Variants in CCDC146 observed in about 807,000 individuals in gnomAD.
The protein encoded by CCDC146 is coiled-coil domain containing 146.
A neutral mutation model predicts 119.3 loss-of-function variants in CCDC146; 92 were observed. That is an observed-to-expected ratio of 0.77 (90% CI 0.65 to 0.92). The LOEUF is 0.92. Among genes scored for constraint, CCDC146 ranks in the 40% least tolerant of loss-of-function variants. The pLI is 0.00. For missense variants in CCDC146, 1,000 were observed against 1,103.0 expected, an observed-to-expected ratio of 0.91 and a Z score of 1.32; for synonymous variants, 372 against 371.8, an observed-to-expected ratio of 1.00 and a Z score of -0.01.
At chr7:77,156,104 T>C (rs1791175795) in intron 1 of CCDC146, among the ~76,000 whole-genome samples, 1 of 152,198 alleles carries the variant, frequency 6.6e-6, no homozygotes, top group Non-Finnish European at 1.5e-5. Context: ...GATTCTGTAA[T>C]AGAGACTTGG....
At chr7:77,236,666 G>C (rs1792742583) in intron 2 of CCDC146, among the ~76,000 whole-genome samples, 1 of 151,956 alleles carries the variant, frequency 6.6e-6, no homozygotes, top group South Asian at 2.1e-4. Flanking sequence ...ATTTTTTTTA[G>C]AGTTAGAAGA....
chr7:77,220,257 C>T (rs997099865), intron 2 of CCDC146, among the ~76,000 whole-genome samples: 3 of 152,178 alleles, frequency 2.0e-5, no homozygotes, highest in South Asian at 2.1e-4. Context: ...TTCTCCTATT[C>T]GCTTTTGCAA....
intron 4 of CCDC146, among the ~76,000 whole-genome samples, chr7:77,248,402 A>C (rs1190879823): frequency 6.6e-6 from 1 of 152,200 alleles, no homozygotes. Flanking sequence ...ACAAAACTGC[A>C]CTTGTATCCC....
At chr7:77,188,063 T>C (rs974558511) in intron 2 of CCDC146, among the ~76,000 whole-genome samples, 1 of 152,238 alleles carries the variant, frequency 6.6e-6, no homozygotes, top group Non-Finnish European at 1.5e-5. Context: ...TGTACCTCGC[T>C]TCCGATTCCT....
At chr7:77,232,313 G>A (rs1005104029) in intron 2 of CCDC146, among the ~76,000 whole-genome samples, 7 of 152,134 alleles carry the variant, frequency 4.6e-5, no homozygotes, top group Non-Finnish European at 1.0e-4. Flanking sequence ...TGACTTGGAA[G>A]TACCCTGTCT....
intron 2 of CCDC146, among the ~76,000 whole-genome samples, chr7:77,193,146 C>A (rs566214781): frequency 6.6e-6 from 1 of 152,086 alleles, no homozygotes; most frequent in East Asian, 1.9e-4. Flanking sequence ...ACACTAATAA[C>A]GGAAAAAGAG....
chr7:77,193,421 G>A (rs1791807159), intron 2 of CCDC146: 1 of 152,092 alleles, frequency 6.6e-6, no homozygotes, highest in Admixed American at 6.5e-5. Flanking sequence ...GAATAGATGT[G>A]ATAATTAAAT....
At chr7:77,124,460 A>G (rs1247255265) in intron 1 of CCDC146, among the ~76,000 whole-genome samples, 1 of 152,166 alleles carries the variant, frequency 6.6e-6, no homozygotes, top group Non-Finnish European at 1.5e-5. Flanking sequence ...TATCCTCACT[A>G]ATTAGGAGGG....
At chr7:77,146,720 G>A (rs188419999) in intron 1 of CCDC146, among the ~76,000 whole-genome samples, 2 of 152,278 alleles carry the variant, frequency 1.3e-5, no homozygotes, top group Admixed American at 1.3e-4. Flanking sequence ...TTTTCTTTAA[G>A]AATGTTGAAT....
intron 17 of CCDC146, 130 bp downstream of exon 17, chr7:77,287,707 A>G: frequency 1.1e-6 from 1 of 935,122 alleles, no homozygotes; most frequent in Non-Finnish European, 1.5e-6. Context: ...AACTTAGAAA[A>G]ACGAAAGGAT....
intron 2 of CCDC146, among the ~76,000 whole-genome samples, chr7:77,189,562 T>C (rs1307644211): frequency 6.6e-6 from 1 of 152,166 alleles, no homozygotes; most frequent in African/African-American, 2.4e-5. Flanking sequence ...ACGGCTCTTA[T>C]CTACTCAGTG....
intron 2 of CCDC146, among the ~76,000 whole-genome samples, chr7:77,211,142 A>G (rs1792174818): frequency 6.6e-6 from 1 of 152,212 alleles, no homozygotes; most frequent in Non-Finnish European, 1.5e-5. Flanking sequence ...GTCAAAAAAT[A>G]AAACATTAGC....
intron 1 of CCDC146, among the ~76,000 whole-genome samples, chr7:77,152,481 G>C (rs1437151403): frequency 1.3e-5 from 2 of 152,176 alleles, no homozygotes; most frequent in Non-Finnish European, 2.9e-5. Flanking sequence ...ATGGGAGAGG[G>C]AACTTTGCCT....
At chr7:77,253,851 GAGCATACC>G (rs2150505541) in intron 4 of CCDC146, among the ~76,000 whole-genome samples, 1 of 152,348 alleles carries the variant, frequency 6.6e-6, no homozygotes, top group South Asian at 2.1e-4. Flanking sequence ...TCTGTGGCGA[GAGCATACC>G]AGCTGGAGGG....
chr7:77,268,457 G>T (rs2150525888), intron 9 of CCDC146, among the ~76,000 whole-genome samples: 1 of 152,290 alleles, frequency 6.6e-6, no homozygotes, highest in Non-Finnish European at 1.5e-5. Flanking sequence ...CTTCTGACTT[G>T]TTCCAAAGTA....
intron 1 of CCDC146, among the ~76,000 whole-genome samples, chr7:77,153,178 CAG>C (rs1311391330): frequency 1.3e-5 from 2 of 152,174 alleles, no homozygotes; most frequent in African/African-American, 4.8e-5. Flanking sequence ...ACCTGGCTAA[CAG>C]AAATCAGTGG....
At chr7:77,155,966 G>T in intron 1 of CCDC146, among the ~76,000 whole-genome samples, 1 of 152,120 alleles carries the variant, frequency 6.6e-6, no homozygotes, top group Admixed American at 6.6e-5. Flanking sequence ...TAAAGAGAGA[G>T]TGAGGATCTT....
chr7:77,286,975 G>A, intron 16 of CCDC146, 49 bp downstream of exon 16: 1 of 1,598,112 alleles, frequency 6.3e-7, no homozygotes, highest in Non-Finnish European at 8.6e-7. Context: ...CGTTGATGTA[G>A]TTTCACAGAT....
chr7:77,273,878 A>T (rs1347039843), intron 10 of CCDC146, 89 bp downstream of exon 10: 3 of 736,770 alleles, frequency 4.1e-6, no homozygotes, highest in Non-Finnish European at 6.9e-6. Context: ...CCTTATCAAT[A>T]AGAGAGTCAT....
Sources: gnomAD v4.1 joint callset for allele counts (sites outside exome capture counted in the v4.1 genomes callset) on GRCh38, gnomAD v4.1.1 for gene constraint, MANE v1.5 for transcripts, NCBI Gene and HGNC (gene_info 2026-07-23, HGNC 2026-07-21) for gene names.